ZFHX3: variants seen among roughly 807,000 people sequenced by gnomAD.
ZFHX3 encodes the protein zinc finger homeobox 3.
ZFHX3 carries 42 observed loss-of-function variants against 279.1 expected under a neutral mutation model. That is an observed-to-expected ratio of 0.15 (90% confidence interval 0.12 to 0.19). The LOEUF is 0.19. Ranked by LOEUF, ZFHX3 falls within the 10% of genes least tolerant of loss-of-function variation. ZFHX3 has a pLI of 1.00. For missense variants in ZFHX3, 4,981 were observed against 4,754.0 expected (o/e 1.05, Z -1.40); for synonymous variants, 2,293 against 1,957.8 (o/e 1.17, Z -4.52).
At chr16:73,419,767 A>G (rs1321249423) in intron 3 of ZFHX3, among the ~76,000 whole-genome samples, 2 of 152,006 alleles carry the variant, frequency 1.3e-5, no homozygotes, top group African/African-American at 4.8e-5. Context: ...TGATTTCTTC[A>G]TTCACAAGTC....
intron 2 of ZFHX3, among the ~76,000 whole-genome samples, chr16:73,679,115 T>C (rs1303394320): frequency 7.6e-6 from 1 of 131,986 alleles, no homozygotes; most frequent in Non-Finnish European, 1.6e-5. Context: ...AGTCAATCCC[T>C]CCAGAGGGGC....
intron 5 of ZFHX3, among the ~76,000 whole-genome samples, chr16:73,197,294 G>A (rs1968171666): frequency 6.6e-6 from 1 of 152,190 alleles, no homozygotes. Flanking sequence ...TGGATGAATT[G>A]TTGGAGGAGG....
intron 5 of ZFHX3, among the ~76,000 whole-genome samples, chr16:73,194,852 T>C (rs1968110680): frequency 6.6e-6 from 1 of 152,236 alleles, no homozygotes; most frequent in African/African-American, 2.4e-5. Flanking sequence ...GTCAAAGTCA[T>C]GAACCTCTCA....
At chr16:72,967,627 T>C (rs1413678634) in intron 1 of ZFHX3, among the ~76,000 whole-genome samples, 1 of 152,058 alleles carries the variant, frequency 6.6e-6, no homozygotes, top group African/African-American at 2.4e-5. Context: ...GGATGAAAGT[T>C]TGAATACTTC....
rs1284146036 is a variant in ZFHX3 at position 72,788,065 on chromosome 16, G to A, written c.10211C>T (p.Pro3404Leu). The change falls in exon 10 of 10, where the codon CCC becomes CTC. Residue 3404 changes from proline (P) to leucine (L), a missense_variant. This residue lies in a region of ZFHX3 where 1,034 missense variants were observed against 786.0 expected (regional missense o/e 1.32). Transcript: ENST00000268489. ...TTTGTCTGGGGAAGGAGCCCCGGGG[G>A]GGACTGGGGTTTGGCTTGCTTTGGG... ...QQPKASQTPV[P>L]PGAPSPDKDP... The A allele has an allele frequency of 1.2e-6, 2 of 1,611,848 alleles. No homozygotes were observed. Among genetic ancestry groups the A allele is most frequent in the Non-Finnish European group, 1.7e-6 (2 of 1,179,840 alleles).
At chr16:73,280,613 G>C (rs1451025129) in intron 4 of ZFHX3, among the ~76,000 whole-genome samples, 4 of 152,080 alleles carry the variant, frequency 2.6e-5, no homozygotes, top group Non-Finnish European at 5.9e-5. Flanking sequence ...AAGTGTTGGT[G>C]ATGATGTGGA....
chr16:73,021,865 T>G (rs1017641797), intron 1 of ZFHX3, among the ~76,000 whole-genome samples: 27 of 143,936 alleles, frequency 1.9e-4, no homozygotes, highest in Middle Eastern at 3.7e-3. Context: ...CAATGACTGG[T>G]ACCCTTAGAA....
intron 1 of ZFHX3, chr16:73,813,646 T>G (rs1321293105): frequency 2.6e-5 from 4 of 152,378 alleles, no homozygotes; most frequent in East Asian, 1.9e-4. Flanking sequence ...GACACTCCTC[T>G]GCAGTCCATC....
intron 5 of ZFHX3, among the ~76,000 whole-genome samples, chr16:73,209,068 A>T (rs1363579896): frequency 6.6e-6 from 1 of 152,152 alleles, no homozygotes; most frequent in African/African-American, 2.4e-5. Flanking sequence ...TAATTATCAT[A>T]CTCTCTACTT....
intron 3 of ZFHX3, among the ~76,000 whole-genome samples, chr16:73,434,364 G>A (rs1005174825): frequency 2.6e-5 from 4 of 152,132 alleles, no homozygotes; most frequent in South Asian, 2.1e-4. Flanking sequence ...CCTGAAGCAG[G>A]GACTGAGGAC....
chr16:73,263,600 G>A (rs2013884779), intron 4 of ZFHX3, among the ~76,000 whole-genome samples: 2 of 152,150 alleles, frequency 1.3e-5, no homozygotes, highest in South Asian at 2.1e-4. Context: ...GTTTCTGCCT[G>A]TGATCCTACA....
intron 5 of ZFHX3, among the ~76,000 whole-genome samples, chr16:73,151,180 C>A (rs1302998711): frequency 2.0e-5 from 3 of 152,058 alleles, no homozygotes; most frequent in Non-Finnish European, 4.4e-5. Context: ...GCGACCAAAT[C>A]CCCAACTTTT....
chr16:73,015,522 A>G (rs1291198947), intron 1 of ZFHX3: 2 of 152,226 alleles, frequency 1.3e-5, no homozygotes, highest in African/African-American at 4.8e-5. Flanking sequence ...TATTTTATCT[A>G]ATAGGAGACA....
chr16:72,857,412 TG>T (rs2143872171), intron 4 of ZFHX3, among the ~76,000 whole-genome samples: 1 of 152,182 alleles, frequency 6.6e-6, no homozygotes, highest in Admixed American at 6.5e-5. Flanking sequence ...CTAAGCTGAG[TG>T]TGGTGGCTCA....
At chr16:73,107,982 A>G (rs1966324405) in intron 7 of ZFHX3, among the ~76,000 whole-genome samples, 1 of 152,140 alleles carries the variant, frequency 6.6e-6, no homozygotes, top group African/African-American at 2.4e-5. Context: ...TAACACAGTG[A>G]AACCCAGTCT....
intron 2 of ZFHX3, among the ~76,000 whole-genome samples, chr16:72,953,230 C>A (rs1318242635): frequency 6.6e-6 from 1 of 151,838 alleles, no homozygotes; most frequent in Non-Finnish European, 1.5e-5. Flanking sequence ...CTTCCCATCT[C>A]CCCTGGTGAG....
Position 72,950,763 on chromosome 16 carries a change from G to A in ZFHX3, c.2922C>T (p.Asp974=), listed in dbSNP as rs369805526. The A allele has an allele frequency of 3.8e-5, 62 of 1,614,164 alleles. No individual in the cohort carries two copies. The South Asian group carries it at 4.5e-4, about 12-fold the overall frequency. The part of the protein sequence containing the change: ...HMNVERSLSE[D]EWKAVMGDSY... ...AGTCCCCCATCACCGCCTTCCACTC[G>A]TCCTCCGACAGGCTGCGCTCCACGT... The change falls in exon 3 of 10, where the codon GAC becomes GAT. Residue 974 remains aspartate (D), a synonymous_variant. Coordinates refer to ENST00000268489, the MANE Select transcript of ZFHX3 (RefSeq NM_006885.4).
chr16:72,912,173 G>A (rs2039335092), intron 3 of ZFHX3, among the ~76,000 whole-genome samples: 1 of 152,222 alleles, frequency 6.6e-6, no homozygotes, highest in Non-Finnish European at 1.5e-5. Context: ...AAAGGCAGGA[G>A]CTCGACCCTG....
intron 5 of ZFHX3, among the ~76,000 whole-genome samples, chr16:73,224,732 A>AC (rs2012539656): frequency 6.6e-6 from 1 of 152,200 alleles, no homozygotes; most frequent in African/African-American, 2.4e-5. Flanking sequence ...CATGTATGGA[A>AC]ACCTGAATGT....
Sources: gnomAD v4.1 joint callset for allele counts (sites outside exome capture counted in the v4.1 genomes callset) on GRCh38, gnomAD v4.1.1 for gene constraint, gnomAD v4.1.1 regional missense constraint, MANE v1.5 for transcripts, NCBI Gene and HGNC (gene_info 2026-07-23, HGNC 2026-07-21) for gene names.